TEPSIN: variants seen among roughly 807,000 people sequenced by gnomAD.
TEPSIN encodes TEPSIN adaptor related protein complex 4 accessory protein.
A neutral mutation model predicts 48.5 loss-of-function variants in TEPSIN; 50 were observed. The ratio of observed to expected loss-of-function variants is 1.03; its 90% CI spans 0.82 to 1.31. TEPSIN has a LOEUF of 1.31. Ranked by LOEUF, TEPSIN falls within the 50% of genes most tolerant of loss-of-function variation. The pLI is 0.00. For synonymous variants in TEPSIN, 392 were observed against 358.8 expected, an observed-to-expected ratio of 1.09 and a Z score of -1.05; for missense variants, 838 against 815.9, an observed-to-expected ratio of 1.03 and a Z score of -0.33.
chr17:81,232,353 A>G lies in TEPSIN; in HGVS notation c.692T>C (p.Leu231Pro), dbSNP rs1326426097. 2.0e-6 allele frequency: 3 copies of G among 1,534,776 alleles called. No homozygotes were observed. Among genetic ancestry groups the G allele is most frequent in the Admixed American group, 3.9e-5 (2 of 50,944 alleles). ...AATGGCCCCGGGGAGTAGGTTCCCCAGGGTTGGGGGACCGTGGCTGGCTGA... is the reference window on the plus strand; with the variant it reads ...AATGGCCCCGGGGAGTAGGTTCCCCGGGGTTGGGGGACCGTGGCTGGCTGA... ...MPSASHGPPT[L>P]GNLLPGAIPG... Residue 231 changes from leucine (L) to proline (P), a missense_variant, in exon 8 of 13, where the codon CTG (leucine) becomes CCG (proline). Transcript: ENST00000637944.
At chr17:81,231,128 TACAC>T (rs148556282) in intron 11 of TEPSIN, 16 of 549,584 alleles carry the variant, frequency 2.9e-5, no homozygotes, top group Admixed American at 1.1e-4. Context: ...TGCAGTCATG[TACAC>T]ACACACACAG....
At position 81,238,990 on chromosome 17, in the gene TEPSIN, T is replaced by C; in HGVS notation, c.44A>G (p.His15Arg). Residue 15 changes from histidine (H) to arginine (R), a missense_variant, in exon 1 of 13, where the codon CAC becomes CGC. Physicochemically the swap from His to Arg is conservative, Grantham distance 29 (BLOSUM62 0). Coordinates refer to ENST00000637944, the MANE Select transcript of TEPSIN (RefSeq NM_001363764.2). The part of the protein sequence containing the change: ...PPLRDRLSFL[H>R]RLPILLKGTS... ...GGGCGGACCGCCCTCACTCACCCGG[T>C]GTAGAAAGCTCAGGCGGTCCCGTAG... 2.0e-6 allele frequency: 3 copies of C among 1,483,496 alleles called. No homozygotes were observed. The highest frequency in any genetic ancestry group is 3.0e-5 in the East Asian group (1 of 33,736). 91.9% of individuals were successfully genotyped at this position (1,483,496 alleles called of 1,614,324 possible). A position where few individuals can be genotyped will look rare whatever the true frequency, so the allele number is the denominator to read the frequency against.
chr17:81,229,928 GT>G (rs1430385434), intron 12 of TEPSIN: 3 of 189,758 alleles, frequency 1.6e-5, no homozygotes, highest in Non-Finnish European at 3.2e-5. Flanking sequence ...TGACTGAAAG[GT>G]GAGCTAGCAG....
chr17:81,228,631 C>T lies in TEPSIN; in HGVS notation c.*297G>A. The T allele has an allele frequency of 2.1e-6, 1 of 479,452 alleles. No individual in the cohort carries two copies. Among genetic ancestry groups the T allele is most frequent in the Non-Finnish European group, 3.7e-6 (1 of 273,040 alleles). The allele number at this position is 479,452 out of a possible 1,614,324, so 29.7% of individuals were successfully genotyped here. A position where few individuals can be genotyped will look rare whatever the true frequency, so the allele number is the denominator to read the frequency against. On this transcript the variant is annotated 3_prime_UTR_variant, in exon 13 of 13. Coordinates refer to ENST00000637944, the MANE Select transcript of TEPSIN (RefSeq NM_001363764.2). ...AATGAAATAAGGAACCTGGTAGTCG[C>T]TTCCGCATTCATACAAGAAACCTCA...
intron 1 of TEPSIN, chr17:81,238,722 C>T: frequency 8.0e-7 from 1 of 1,243,224 alleles, no homozygotes; most frequent in Non-Finnish European, 1.0e-6. Context: ...TGAATGCTGG[C>T]CGAGGCCTGT....
rs2062601014 is a variant in TEPSIN at position 81,231,325 on chromosome 17, ACACGCACACG to A, written c.1098+63_1098+72del. The A allele has an allele frequency of 2.7e-5, 37 of 1,380,744 alleles. No homozygotes were observed. In the South Asian group the frequency reaches 4.5e-4, roughly 17 times the overall value. 85.5% of individuals were successfully genotyped at this position (1,380,744 alleles called of 1,614,324 possible). On this transcript the variant is annotated intron_variant, in intron 11 of 12. Coordinates refer to ENST00000637944, the MANE Select transcript of TEPSIN (RefSeq NM_001363764.2). Reference sequence around the variant, plus strand: ...TGTGCACACAGGCACACGTGCACACACACGCACACGCACACACACGCACACAGGCACATGC... The same window carrying A: ...TGTGCACACAGGCACACGTGCACACACACACACACGCACACAGGCACATGC...
In TEPSIN at chr17:81,233,344, C is replaced by T. The variant is rs2062656952; in HGVS notation, c.526+88G>A. The T allele has an allele frequency of 1.4e-6, 2 of 1,474,344 alleles. No individual in the cohort carries two copies. The highest frequency in any genetic ancestry group is 1.8e-6 in the Non-Finnish European group (2 of 1,088,706). The allele number at this position is 1,474,344 out of a possible 1,614,324, so 91.3% of individuals were successfully genotyped here. On this transcript the variant is annotated intron_variant, in intron 7 of 12. Transcript: ENST00000637944. The surrounding 1 kb of genome is among the most constrained non-coding windows in gnomAD (Gnocchi z 5.8). ...GGGAGGGGACGGGGGACAGCAGCTA[C>T]TAGATGGGGCGGCATGGTCCGGCCC... is the stretch of plus-strand genomic sequence containing the variant.
chr17:81,230,186 G>A lies in TEPSIN; in HGVS notation c.1233+358C>T. 1 of 275,906 alleles carries A rather than the reference G, an allele frequency of 3.6e-6. No individual in the cohort carries two copies. The highest frequency in any genetic ancestry group is 5.2e-5 in the South Asian group (1 of 19,330). 17.1% of individuals were successfully genotyped at this position (275,906 alleles called of 1,614,324 possible). A position where few individuals can be genotyped will look rare whatever the true frequency, so the allele number is the denominator to read the frequency against. ...TCCGGAGCTTGGGAGTTGAGCATGA[G>A]CTGTGTCATGGGTGGCAAACTGCAT... On this transcript the variant is annotated intron_variant, in intron 12 of 12. Coordinates refer to ENST00000637944, the MANE Select transcript of TEPSIN (RefSeq NM_001363764.2). This position sits in a 1 kb window ranked among gnomAD's most constrained non-coding sequence, Gnocchi z 4.2.
intron 10 of TEPSIN, 37 bp from the exon 11 acceptor site, chr17:81,231,513 C>A: frequency 6.4e-7 from 1 of 1,570,254 alleles, no homozygotes; most frequent in Non-Finnish European, 8.6e-7. Flanking sequence ...GGGTGCGGCC[C>A]GTTCCCTCCT....
intron 9 of TEPSIN, 22 bp downstream of exon 9, chr17:81,231,825 A>C (rs368569485): frequency 6.2e-7 from 1 of 1,611,292 alleles, no homozygotes; most frequent in African/African-American, 1.3e-5. Context: ...CCTCTCCCAC[A>C]TATCTGGCAG....
intron 11 of TEPSIN, chr17:81,231,155 C>A: frequency 1.7e-6 from 1 of 579,810 alleles, no homozygotes; most frequent in Non-Finnish European, 3.1e-6. Flanking sequence ...GTGTGCATAC[C>A]ACACACGTGC....
intron 4 of TEPSIN, 38 bp downstream of exon 4, chr17:81,236,670 G>A (rs1291072415): frequency 3.2e-6 from 5 of 1,540,134 alleles, no homozygotes; most frequent in Non-Finnish European, 3.5e-6. Flanking sequence ...ATTCTCCAAA[G>A]CCCTGGCTCT....
rs140429209 is a variant in TEPSIN, at chr17:81,230,962, C to T, written c.1099-284G>A. The T allele has an allele frequency of 4.0e-4, 211 of 525,058 alleles. No homozygotes were observed. The highest frequency in any genetic ancestry group is 2.4e-3 in the African/African-American group (122 of 51,468). The allele number at this position is 525,058 out of a possible 1,614,324, so 32.5% of individuals were successfully genotyped here. A position where few individuals can be genotyped will look rare whatever the true frequency, so the allele number is the denominator to read the frequency against. ...CCGGACACCAGAGCCATGTCCTCCC[C>T]GGCTCCTGGACAGACCCCAGCGAGA... On this transcript the variant is annotated intron_variant, in intron 11 of 12. Transcript: ENST00000637944. This position sits in a 1 kb window ranked among gnomAD's most constrained non-coding sequence, Gnocchi z 4.2.
chr17:81,229,480 A>C lies in TEPSIN; in HGVS notation c.1234-4T>G, dbSNP rs1460301123. 6.5e-7 allele frequency: 1 copy of C among 1,548,996 alleles called. No homozygotes were observed. Among genetic ancestry groups the C allele is most frequent in the Non-Finnish European group, 8.7e-7 (1 of 1,146,446 alleles). ...AGGCCTCAAAGTGCCTCAGGATCTGAAAGAGGAAGGAGGAACCAGGGAGGT... is the reference window on the plus strand; with the variant it reads ...AGGCCTCAAAGTGCCTCAGGATCTGCAAGAGGAAGGAGGAACCAGGGAGGT... On this transcript the variant is annotated splice_polypyrimidine_tract_variant and splice_region_variant and intron_variant, in intron 12 of 12. Coordinates refer to ENST00000637944, the MANE Select transcript of TEPSIN (RefSeq NM_001363764.2).
chr17:81,233,587 G>A lies in TEPSIN; in HGVS notation c.454+51C>T. On this transcript the variant is annotated intron_variant, in intron 6 of 12. Coordinates refer to ENST00000637944, the MANE Select transcript of TEPSIN (RefSeq NM_001363764.2). The surrounding 1 kb of genome is among the most constrained non-coding windows in gnomAD (Gnocchi z 5.8). ...TGGCACAGACACCCAGGACACTCAAGGAGGCAGAAACCAGGTGCCAGAGCT... is the reference window on the plus strand; with the variant it reads ...TGGCACAGACACCCAGGACACTCAAAGAGGCAGAAACCAGGTGCCAGAGCT... 1 of 1,571,630 alleles carries A rather than the reference G, an allele frequency of 6.4e-7. No homozygotes were observed. The highest frequency in any genetic ancestry group is 8.6e-7 in the Non-Finnish European group (1 of 1,157,284).
At position 81,239,028 on chromosome 17, in the gene TEPSIN, A is replaced by G; in HGVS notation, c.6T>C (p.Ala2=). 9 of 1,492,620 alleles carry G rather than the reference A, an allele frequency of 6.0e-6. No homozygotes were observed. Among genetic ancestry groups the G allele is most frequent in the Non-Finnish European group, 8.0e-6 (9 of 1,126,140 alleles). The allele number at this position is 1,492,620 out of a possible 1,614,324, so 92.5% of individuals were successfully genotyped here. M[A]AAPPLRDRLS... is the part of the protein sequence containing the mutation. ...GGCGGTCCCGTAGCGGCGGCGCGGC[A>G]GCCATGATCCAGGTCCCCTCCCGGT... The change falls in exon 1 of 13, where the codon GCT becomes GCC. Residue 2 remains alanine (A), a synonymous_variant. Coordinates refer to ENST00000637944, the MANE Select transcript of TEPSIN (RefSeq NM_001363764.2).
chr17:81,232,519 C>T lies in TEPSIN; in HGVS notation c.527-1G>A. The T allele has an allele frequency of 6.5e-7, 1 of 1,529,978 alleles. No individual in the cohort carries two copies. The allele number at this position is 1,529,978 out of a possible 1,614,324, so 94.8% of individuals were successfully genotyped here. ...GAGAGGAAGGCTTCGCCTGCCGAGC[C>T]TGTACCCGAGGAGAGGGAGATGGGA... On this transcript the variant is annotated splice_acceptor_variant, in intron 7 of 12. Transcript: ENST00000637944. LOFTEE classifies it high-confidence loss of function.
chr17:81,234,538 A>G lies in TEPSIN; in HGVS notation c.308-490T>C, dbSNP rs1598357987. ...TTCTTTCCTTAAATCTTCCGGCCCCAGGGCCCCCCAAGCCTACACCTGGGG... is the reference window on the plus strand; with the variant it reads ...TTCTTTCCTTAAATCTTCCGGCCCCGGGGCCCCCCAAGCCTACACCTGGGG... On this transcript the variant is annotated intron_variant, in intron 4 of 12. Transcript: ENST00000637944. This position sits in a 1 kb window ranked among gnomAD's most constrained non-coding sequence, Gnocchi z 5.4. 6.6e-6 allele frequency among the ~76,000 whole-genome samples: 1 copy of G among 151,134 alleles called. No individual in the cohort carries two copies. Among genetic ancestry groups the G allele is most frequent in the Non-Finnish European group, 1.5e-5 (1 of 67,694 alleles).
At chr17:81,231,717 G>A (rs941917809) in intron 9 of TEPSIN, 26 bp from the exon 10 acceptor site, 1 of 1,610,256 alleles carries the variant, frequency 6.2e-7, no homozygotes, top group Non-Finnish European at 8.5e-7. Context: ...GCCGGGTCAA[G>A]GGTGAGTGGA....
Sources: allele counts gnomAD v4.1 joint callset (sites outside exome capture counted in the v4.1 genomes callset), GRCh38; gene constraint gnomAD v4.1.1; non-coding constraint Gnocchi (gnomAD v3.1); transcripts MANE v1.5; gene names NCBI Gene and HGNC (gene_info 2026-07-23, HGNC 2026-07-21).